CACNA1D: variants seen among roughly 807,000 people sequenced by gnomAD.
CACNA1D encodes the protein voltage-dependent L-type calcium channel subunit alpha-1D.
In CACNA1D, 55 loss-of-function variants were observed where a neutral mutation model predicts 257.1. The ratio of observed to expected loss-of-function variants is 0.21; its 90% CI spans 0.17 to 0.27. The LOEUF is 0.27. CACNA1D is among the 10% of genes least tolerant of loss of function. CACNA1D has a pLI of 1.00. For missense variants in CACNA1D, 1,876 were observed against 2,784.0 expected, an observed-to-expected ratio of 0.67 and a Z score of 7.34; for synonymous variants, 980 against 1,014.9, an observed-to-expected ratio of 0.97 and a Z score of 0.65.
In CACNA1D at chr3:53,762,104, C is replaced by T. The variant is rs533168861; in HGVS notation, c.3870+23C>T. On this transcript the variant is annotated intron_variant, in intron 30 of 47. Coordinates refer to ENST00000350061, the MANE Select transcript of CACNA1D (RefSeq NM_001128840.3). Reference sequence around the variant, plus strand: ...GACGTGAGTATGCACCTGGCGTGGCCGCCACCTGTGTCCTCTCTCCTCTGT... The same window carrying T: ...GACGTGAGTATGCACCTGGCGTGGCTGCCACCTGTGTCCTCTCTCCTCTGT... 1.8e-5 allele frequency: 26 copies of T among 1,480,708 alleles called. 1 individual carries two copies. The highest frequency in any genetic ancestry group is 9.0e-5 in the South Asian group (8 of 88,416). The allele number at this position is 1,480,708 out of a possible 1,614,324, so 91.7% of individuals were successfully genotyped here.
Position 53,811,263 on chromosome 3 carries a change from G to A in CACNA1D, c.6343G>A (p.Ala2115Thr), listed in dbSNP as rs1411018718. The A allele has an allele frequency of 6.2e-7, 1 of 1,613,990 alleles. No individual in the cohort carries two copies. The highest frequency in any genetic ancestry group is 1.3e-5 in the African/African-American group (1 of 75,058). Residue 2115 changes from alanine to threonine, a missense_variant, in exon 48 of 48, where the codon GCC (alanine) becomes ACC (threonine). By Grantham distance (58) the Ala-to-Thr change is moderately conservative (BLOSUM62 0). Transcript: ENST00000350061. This position sits in a 1 kb window ranked among gnomAD's most constrained non-coding sequence, Gnocchi z 4.2. ...GCTTAATGGGAACGTGCGTCCCCGA[G>A]CCAACGGGGATGTGGGCCCCCTCTC... ...TLLNGNVRPR[A>T]NGDVGPLSHR...
At chr3:53,523,031 C>G (rs2091639160) in intron 3 of CACNA1D, among the ~76,000 whole-genome samples, 1 of 152,096 alleles carries the variant, frequency 6.6e-6, no homozygotes, top group Non-Finnish European at 1.5e-5. Flanking sequence ...TCTTTCTGTG[C>G]CTGGCTTATT....
intron 3 of CACNA1D, among the ~76,000 whole-genome samples, chr3:53,611,009 A>G (rs551437146): frequency 1.3e-3 from 192 of 152,308 alleles, no homozygotes; most frequent in Non-Finnish European, 2.2e-3. Flanking sequence ...TTCACTGGAT[A>G]TAGAATTTTG....
intron 8 of CACNA1D, among the ~76,000 whole-genome samples, chr3:53,683,029 G>A (rs961507390): frequency 2.0e-5 from 3 of 152,188 alleles, no homozygotes; most frequent in African/African-American, 7.2e-5. Flanking sequence ...GAGAACGATG[G>A]TCTATTTGCT....
intron 8 of CACNA1D, among the ~76,000 whole-genome samples, chr3:53,680,279 C>T (rs1460177889): frequency 2.6e-5 from 4 of 152,232 alleles, no homozygotes; most frequent in African/African-American, 4.8e-5. Flanking sequence ...AGCAGCCAGG[C>T]GCTAGCAACA....
intron 3 of CACNA1D, among the ~76,000 whole-genome samples, chr3:53,518,027 A>T (rs1055404008): frequency 6.6e-6 from 1 of 152,240 alleles, no homozygotes; most frequent in African/African-American, 2.4e-5. Context: ...CTGATGAATA[A>T]CTGAAGTAAT....
intron 8 of CACNA1D, among the ~76,000 whole-genome samples, chr3:53,675,252 G>A (rs1272210061): frequency 6.6e-6 from 1 of 152,192 alleles, no homozygotes; most frequent in Non-Finnish European, 1.5e-5. Context: ...GGCTCCTCAA[G>A]CCTCCGGCCC....
At chr3:53,577,091 G>A (rs779665720) in intron 3 of CACNA1D, among the ~76,000 whole-genome samples, 20 of 152,150 alleles carry the variant, frequency 1.3e-4, no homozygotes, top group South Asian at 2.1e-4. Context: ...GTGGGGTGTG[G>A]GCCTCAGAGA....
chr3:53,761,938 T>C, intron 29 of CACNA1D, 60 bp from the exon 30 acceptor site: 1 of 1,198,578 alleles, frequency 8.3e-7, no homozygotes, highest in Non-Finnish European at 1.2e-6. Context: ...CCCTATACGG[T>C]CCGTGTGGTG....
chr3:53,610,417 C>G (rs1485458300), intron 3 of CACNA1D, among the ~76,000 whole-genome samples: 1 of 152,294 alleles, frequency 6.6e-6, no homozygotes, highest in Non-Finnish European at 1.5e-5. Flanking sequence ...TGAAGCTTTG[C>G]TCCTGGATGA....
chr3:53,732,044 A>T lies in CACNA1D; in HGVS notation c.2435A>T (p.Asp812Val), dbSNP rs751240151. The change falls in exon 18 of 48, where the codon GAT becomes GTT. Residue 812 changes from aspartate (D) to valine (V), a missense_variant. By Grantham distance (152) the Asp-to-Val change is radical. This residue lies in a region of CACNA1D where 78 missense variants were observed against 69.2 expected (regional missense o/e 1.13). Transcript: ENST00000350061. ...KVTIDDYREE[D>V]EDKDPYPPCD... ...ACAATTGATGACTATAGAGAAGAGG[A>T]TGAAGACAAGGACCCCTATCCGCCT... is the stretch of plus-strand genomic sequence containing the variant. 5.0e-6 allele frequency: 8 copies of T among 1,612,298 alleles called. No homozygotes were observed. The African/African-American group carries it at 9.3e-5, about 19-fold the overall frequency.
chr3:53,658,231 A>G (rs2094168050), intron 4 of CACNA1D, among the ~76,000 whole-genome samples: 3 of 152,080 alleles, frequency 2.0e-5, no homozygotes, highest in Admixed American at 2.0e-4. Context: ...GAGGAACAGA[A>G]TCACGGAATA....
chr3:53,707,959 C>T (rs1038596495), intron 9 of CACNA1D, among the ~76,000 whole-genome samples: 34 of 152,244 alleles, frequency 2.2e-4, no homozygotes, highest in African/African-American at 7.7e-4. Context: ...CCTGAAACTT[C>T]ATCTCTGACC....
intron 3 of CACNA1D, among the ~76,000 whole-genome samples, chr3:53,552,686 CCT>C (rs1307311481): frequency 5.3e-5 from 8 of 152,150 alleles, no homozygotes; most frequent in Non-Finnish European, 8.8e-5. Flanking sequence ...TTTGATTTCT[CCT>C]GGTATCTTCT....
At chr3:53,629,050 T>C (rs916297268) in intron 3 of CACNA1D, among the ~76,000 whole-genome samples, 10 of 152,182 alleles carry the variant, frequency 6.6e-5, no homozygotes, top group Admixed American at 2.6e-4. Context: ...ATTCTAGGCT[T>C]TGTGGGCCGT....
At chr3:53,805,853 C>T (rs1295727452) in intron 45 of CACNA1D, among the ~76,000 whole-genome samples, 10 of 140,036 alleles carry the variant, frequency 7.1e-5, no homozygotes, top group Non-Finnish European at 1.4e-4. Flanking sequence ...ATCTTTCCTC[C>T]TCCTCCCTCA....
Position 53,805,047 on chromosome 3 carries a change from T to A in CACNA1D, c.5650T>A (p.Tyr1884Asn). The A allele has an allele frequency of 6.2e-7, 1 of 1,614,148 alleles. No individual in the cohort carries two copies. Residue 1884 changes from tyrosine (Y) to asparagine (N), a missense_variant, in exon 45 of 48, where the codon TAC (tyrosine) becomes AAC (asparagine). By Grantham distance (143) the Tyr-to-Asn change is moderately radical (BLOSUM62 -2). Transcript: ENST00000350061. ...CATCGACTCTGAGAGGCCCCGAGGC[T>A]ACCATCATCCCCAAGGATTCTTGGA... ...RNIDSERPRGYHHPQGFLEDD... is the reference protein window; with the variant it reads ...RNIDSERPRGNHHPQGFLEDD...
chr3:53,506,320 C>T (rs1340796474), intron 3 of CACNA1D, among the ~76,000 whole-genome samples: 2 of 152,202 alleles, frequency 1.3e-5, no homozygotes, highest in Non-Finnish European at 2.9e-5. Context: ...GTCCAACTCT[C>T]CTGTACAGAC....
chr3:53,611,571 T>C (rs2093583834), intron 3 of CACNA1D, among the ~76,000 whole-genome samples: 2 of 152,274 alleles, frequency 1.3e-5, no homozygotes, highest in South Asian at 4.1e-4. Flanking sequence ...TTATAGTCTT[T>C]ATATTTATTA....
Sources: gnomAD v4.1 joint callset for allele counts (sites outside exome capture counted in the v4.1 genomes callset) on GRCh38, gnomAD v4.1.1 for gene constraint, gnomAD v4.1.1 regional missense constraint, Gnocchi (gnomAD v3.1) non-coding constraint, MANE v1.5 for transcripts, NCBI Gene and HGNC (gene_info 2026-07-23, HGNC 2026-07-21) for gene names.